Variants in DHX9 observed in about 807,000 individuals in gnomAD.
DHX9 encodes the protein ATP-dependent RNA helicase A.
Under a neutral mutation model 148.7 loss-of-function variants are expected in DHX9, and 27 were observed. That is an observed-to-expected ratio of 0.18 (90% CI 0.13 to 0.25). The LOEUF (loss-of-function observed/expected upper bound fraction) is 0.25, where lower values mean the gene tolerates loss of function less well. Among genes scored for constraint, DHX9 ranks in the 10% least tolerant of loss-of-function variants. The pLI is 1.00. For missense variants in DHX9, 796 were observed against 1,559.6 expected (o/e 0.51, Z 8.25); for synonymous variants, 529 against 516.6 (o/e 1.02, Z -0.33).
intron 7 of DHX9, among the ~76,000 whole-genome samples, chr1:182,856,979 A>T (rs558073822): frequency 6.6e-6 from 1 of 152,060 alleles, no homozygotes; most frequent in African/African-American, 2.4e-5. Context: ...CCTCCCCAGT[A>T]GCTGGGACTA....
chr1:182,841,636 G>A (rs1457408670), intron 1 of DHX9, among the ~76,000 whole-genome samples: 2 of 152,234 alleles, frequency 1.3e-5, no homozygotes, highest in Non-Finnish European at 2.9e-5. Flanking sequence ...CTAACAAAAT[G>A]CATCAAACGT....
chr1:182,861,322 G>C (rs1030629037), intron 12 of DHX9, among the ~76,000 whole-genome samples: 6 of 152,044 alleles, frequency 3.9e-5, no homozygotes, highest in Non-Finnish European at 8.8e-5. Context: ...AATTTTCTTT[G>C]ATTTTCCGAC....
At chr1:182,853,969 T>G in intron 5 of DHX9, 61 bp from the exon 6 acceptor site, 2 of 1,506,502 alleles carry the variant, frequency 1.3e-6, no homozygotes, top group Non-Finnish European at 1.8e-6. Flanking sequence ...TAAAAATTTC[T>G]GTGCCTTGTT....
In DHX9 at chr1:182,859,170, G is replaced by A; in HGVS notation, c.1140+53G>A. ...TGCTCAGAGCTTCAGAATGTTCTAG[G>A]TATGGGTAAAAAGTCAATGAGCAGT... On this transcript the variant is annotated intron_variant, in intron 11 of 27. Coordinates refer to ENST00000367549, the MANE Select transcript of DHX9 (RefSeq NM_001357.5). 2.6e-6 allele frequency: 4 copies of A among 1,537,808 alleles called. No individual in the cohort carries two copies. The South Asian group carries it at 3.4e-5, about 13-fold the overall frequency.
chr1:182,847,253 A>G (rs1372298783), intron 3 of DHX9, among the ~76,000 whole-genome samples: 1 of 152,206 alleles, frequency 6.6e-6, no homozygotes, highest in Admixed American at 6.5e-5. Context: ...AGGTTGGATC[A>G]CATTTTCCTC....
At position 182,839,419 on chromosome 1, in the gene DHX9, C is replaced by T. The variant is rs1050875656; in HGVS notation, c.-60C>T. On this transcript the variant is annotated 5_prime_UTR_variant, in exon 1 of 28. Transcript: ENST00000367549. Reference sequence around the variant, plus strand: ...GTCTCGGTAGAAGGCCAGAGTCACACACGGTCCTAAGAGCTGGGCACCAGG... The same window carrying T: ...GTCTCGGTAGAAGGCCAGAGTCACATACGGTCCTAAGAGCTGGGCACCAGG... 2 of 152,546 alleles carry T rather than the reference C, an allele frequency of 1.3e-5. No homozygotes were observed. The highest frequency in any genetic ancestry group is 4.8e-5 in the African/African-American group (2 of 41,470). The allele number at this position is 152,546 out of a possible 1,614,324, so 9.4% of individuals were successfully genotyped here.
intron 14 of DHX9, among the ~76,000 whole-genome samples, chr1:182,870,380 G>C (rs1159946431): frequency 6.6e-6 from 1 of 152,198 alleles, no homozygotes; most frequent in Non-Finnish European, 1.5e-5. Flanking sequence ...GAGCAGAATA[G>C]AGAATCTTGG....
intron 12 of DHX9, among the ~76,000 whole-genome samples, chr1:182,865,705 T>TC (rs1648263970): frequency 6.6e-6 from 1 of 152,142 alleles, no homozygotes; most frequent in South Asian, 2.1e-4. Flanking sequence ...CAGAATCAAA[T>TC]CCAAGGCACC....
intron 6 of DHX9, among the ~76,000 whole-genome samples, chr1:182,855,386 A>G (rs1668236291): frequency 6.6e-6 from 1 of 152,196 alleles, no homozygotes; most frequent in South Asian, 2.1e-4. Flanking sequence ...GGAAAAGACA[A>G]TGTGGGAGGC....
intron 19 of DHX9, 98 bp downstream of exon 19, chr1:182,877,001 G>T: frequency 1.3e-6 from 1 of 785,250 alleles, no homozygotes; most frequent in Non-Finnish European, 2.1e-6. Context: ...TTAAACTCCT[G>T]TGTTCTTAAA....
chr1:182,875,580 C>A (rs1648723759), intron 16 of DHX9, among the ~76,000 whole-genome samples: 1 of 152,082 alleles, frequency 6.6e-6, no homozygotes, highest in Admixed American at 6.5e-5. Flanking sequence ...CTGAGACAGC[C>A]AGCAATGCAG....
intron 18 of DHX9, 71 bp downstream of exon 18, chr1:182,876,612 A>G (rs1414210871): frequency 7.2e-7 from 1 of 1,397,126 alleles, no homozygotes; most frequent in Non-Finnish European, 1.0e-6. Flanking sequence ...CAGGCTTTCA[A>G]AGAGCTACCC....
chr1:182,867,220 T>A (rs1648335744), intron 14 of DHX9, among the ~76,000 whole-genome samples, 177 bp downstream of exon 14: 1 of 152,208 alleles, frequency 6.6e-6, no homozygotes, highest in Non-Finnish European at 1.5e-5. Flanking sequence ...TTTTTCTTTA[T>A]TGTTAAACTT....
chr1:182,861,475 A>G (rs1388999323), intron 12 of DHX9, among the ~76,000 whole-genome samples: 2 of 152,236 alleles, frequency 1.3e-5, no homozygotes, highest in African/African-American at 4.8e-5. Context: ...GCAATTTTAC[A>G]GAAGAGAAGC....
intron 12 of DHX9, among the ~76,000 whole-genome samples, chr1:182,863,718 G>T (rs145953181): frequency 1.2e-4 from 18 of 152,190 alleles, no homozygotes; most frequent in Middle Eastern, 6.8e-3. Context: ...ATACGCTCAC[G>T]TTAGGCATTG....
rs1649069789 is a variant in DHX9 at position 182,881,184 on chromosome 1, CCA to C, written c.2625-77_2625-76del. The stretch of plus-strand genomic sequence containing the variant: ...GAATCATAGCCATAAAGACTGCAAC[CCA>C]CAGTCGACAGTCCTACCTGAGCTGC... On this transcript the variant is annotated intron_variant, in intron 22 of 27. Coordinates refer to ENST00000367549, the MANE Select transcript of DHX9 (RefSeq NM_001357.5). The C allele has an allele frequency of 2.8e-6, 4 of 1,431,750 alleles. No homozygotes were observed. In the Admixed American group the frequency reaches 6.9e-5, roughly 25 times the overall value. The allele number at this position is 1,431,750 out of a possible 1,614,324, so 88.7% of individuals were successfully genotyped here. A position where few individuals can be genotyped will look rare whatever the true frequency, so the allele number is the denominator to read the frequency against.
chr1:182,884,912 G>C, intron 27 of DHX9, 99 bp downstream of exon 27: 1 of 1,136,804 alleles, frequency 8.8e-7, no homozygotes, highest in Non-Finnish European at 1.3e-6. Context: ...TATTACTTAA[G>C]TAAAATTCTA....
rs1331252541 is a variant in DHX9 at position 182,867,011 on chromosome 1, A to G, written c.1525A>G (p.Ile509Val). The change falls in exon 14 of 28, where the codon ATT becomes GTT. Residue 509 changes from isoleucine (I) to valine (V), a missense_variant. This residue lies in a region of DHX9 where 5 missense variants were observed against 48.3 expected (regional missense o/e 0.10). Transcript: ENST00000367549. ...AGGCATTCGAGGAATCAGTCATGTA[A>G]TTGTAGATGAAATACATGAAAGAGA... ...EAGIRGISHV[I>V]VDEIHERDIN... The G allele has an allele frequency of 6.2e-7, 1 of 1,605,984 alleles. No individual in the cohort carries two copies. The highest frequency in any genetic ancestry group is 1.3e-5 in the African/African-American group (1 of 74,528).
At chr1:182,869,057 A>G (rs1178901613) in intron 14 of DHX9, among the ~76,000 whole-genome samples, 1 of 152,230 alleles carries the variant, frequency 6.6e-6, no homozygotes, top group East Asian at 1.9e-4. Context: ...TATTCCAAAC[A>G]CTGGAATAAT....
Sources: allele counts gnomAD v4.1 joint callset (sites outside exome capture counted in the v4.1 genomes callset), GRCh38; gene constraint gnomAD v4.1.1; regional missense constraint gnomAD v4.1.1; transcripts MANE v1.5; gene names NCBI Gene and HGNC (gene_info 2026-07-23, HGNC 2026-07-21).